The following CALCRL variants were observed in gnomAD, a reference collection of about 807,000 sequenced individuals.
CALCRL encodes the protein calcitonin receptor like receptor, also known as calcitonin gene-related peptide type 1 receptor.
In CALCRL, 27 loss-of-function variants were observed where a neutral mutation model predicts 60.4. The ratio of observed to expected loss-of-function variants is 0.45; its 90% CI spans 0.33 to 0.62. CALCRL has a LOEUF of 0.62. Among genes scored for constraint, CALCRL ranks in the 20% least tolerant of loss-of-function variants. The pLI, the probability that CALCRL is intolerant of heterozygous loss-of-function variation, is 0.03. For missense variants in CALCRL, 424 were observed against 540.7 expected, an observed-to-expected ratio of 0.78 and a Z score of 2.14; for synonymous variants, 190 against 182.6, an observed-to-expected ratio of 1.04 and a Z score of -0.33.
chr2:187,439,486 AAAAC>A (rs200092549), intron 1 of CALCRL, among the ~76,000 whole-genome samples: 1,711 of 152,210 alleles, frequency 0.011, 23 homozygotes, highest in African/African-American at 0.038. Flanking sequence ...TAAACAAAAC[AAAAC>A]AAACAAACAA....
At chr2:187,420,263 C>A (rs1178663342) in intron 1 of CALCRL, among the ~76,000 whole-genome samples, 1 of 151,994 alleles carries the variant, frequency 6.6e-6, no homozygotes, top group East Asian at 1.9e-4. Flanking sequence ...TTAAAATAAT[C>A]ATTTAATGAA....
chr2:187,395,230 A>C (rs1688606985), intron 1 of CALCRL, among the ~76,000 whole-genome samples: 1 of 152,066 alleles, frequency 6.6e-6, no homozygotes, highest in Non-Finnish European at 1.5e-5. Context: ...CCTGTATCAT[A>C]CTGACTCGGA....
At chr2:187,390,607 T>C (rs996016157) in intron 1 of CALCRL, among the ~76,000 whole-genome samples, 6 of 152,198 alleles carry the variant, frequency 3.9e-5, no homozygotes, top group Non-Finnish European at 5.9e-5. Flanking sequence ...CTCTTAGTGG[T>C]AACTAAATCA....
chr2:187,384,992 C>G (rs894965427), intron 4 of CALCRL, among the ~76,000 whole-genome samples: 1 of 152,080 alleles, frequency 6.6e-6, no homozygotes, highest in African/African-American at 2.4e-5. Context: ...CCCCATATCC[C>G]CATTGTATAC....
chr2:187,447,945 C>T (rs1691269368), intron 1 of CALCRL, 94 bp downstream of exon 1: 1 of 151,984 alleles, frequency 6.6e-6, no homozygotes, highest in African/African-American at 2.4e-5. Context: ...AACATTATTT[C>T]AGTGCTATCT....
At chr2:187,401,670 C>T (rs1055686386) in intron 1 of CALCRL, among the ~76,000 whole-genome samples, 1 of 151,524 alleles carries the variant, frequency 6.6e-6, no homozygotes, top group African/African-American at 2.4e-5. Context: ...TTTCACTTTA[C>T]AGATTTTAAT....
chr2:187,439,391 T>G (rs1690791476), intron 1 of CALCRL, among the ~76,000 whole-genome samples: 2 of 151,948 alleles, frequency 1.3e-5, no homozygotes, highest in Admixed American at 6.6e-5. Flanking sequence ...GAGACAGAGA[T>G]TGCAGTGAGC....
chr2:187,445,062 T>C (rs1484316574), intron 1 of CALCRL, among the ~76,000 whole-genome samples: 1 of 151,664 alleles, frequency 6.6e-6, no homozygotes, highest in Non-Finnish European at 1.5e-5. Flanking sequence ...TGAGAAATTA[T>C]GAATGTTTAT....
chr2:187,359,374 C>CA (rs761497803), intron 10 of CALCRL, 102 bp from the exon 11 acceptor site: 6 of 749,512 alleles, frequency 8.0e-6, no homozygotes, highest in Non-Finnish European at 1.3e-5. Flanking sequence ...ACTCTAGGAG[C>CA]AAAAAAACTA....
intron 1 of CALCRL, among the ~76,000 whole-genome samples, chr2:187,436,886 C>A (rs1690668116): frequency 6.6e-6 from 1 of 152,154 alleles, no homozygotes; most frequent in South Asian, 2.1e-4. Flanking sequence ...ATGTGCTCCC[C>A]TTTTCTTTTA....
At chr2:187,444,447 T>G in intron 1 of CALCRL, among the ~76,000 whole-genome samples, 1 of 151,596 alleles carries the variant, frequency 6.6e-6, no homozygotes, top group East Asian at 1.9e-4. Context: ...ACATTTAATT[T>G]AAACCATGAA....
intron 1 of CALCRL, among the ~76,000 whole-genome samples, chr2:187,390,685 T>C (rs1199094259): frequency 6.6e-6 from 1 of 152,200 alleles, no homozygotes; most frequent in Non-Finnish European, 1.5e-5. Context: ...ATTCCACTTT[T>C]ATAGCTTTCC....
At chr2:187,424,546 T>C (rs1690035373) in intron 1 of CALCRL, among the ~76,000 whole-genome samples, 1 of 152,088 alleles carries the variant, frequency 6.6e-6, no homozygotes, top group Admixed American at 6.6e-5. Flanking sequence ...TTGTTAATTA[T>C]ATTAGCAGGA....
intron 1 of CALCRL, among the ~76,000 whole-genome samples, chr2:187,426,813 T>A (rs1417137977): frequency 1.3e-5 from 2 of 152,132 alleles, no homozygotes; most frequent in African/African-American, 4.8e-5. Context: ...AAGAGTTGAA[T>A]CAGGCAGGCT....
At chr2:187,386,719 T>G (rs963938856) in intron 3 of CALCRL, among the ~76,000 whole-genome samples, 8 of 152,230 alleles carry the variant, frequency 5.3e-5, no homozygotes, top group Non-Finnish European at 1.2e-4. Context: ...TGATATGGTT[T>G]GGCTCAGTGT....
intron 1 of CALCRL, among the ~76,000 whole-genome samples, chr2:187,391,686 C>A (rs527425269): frequency 6.6e-6 from 1 of 152,094 alleles, no homozygotes; most frequent in South Asian, 2.1e-4. Flanking sequence ...AGATAATTTT[C>A]TTTACTATGC....
chr2:187,380,591 A>T lies in CALCRL; in HGVS notation c.296-12T>A. On this transcript the variant is annotated splice_polypyrimidine_tract_variant and intron_variant, in intron 6 of 14. Coordinates refer to ENST00000392370, the MANE Select transcript of CALCRL (RefSeq NM_005795.6). ...CTTTGTAACTTTTTCTTTAAAATTA[A>T]AAAAAAAGGGAAAACAGGAATTTAA... The T allele has an allele frequency of 6.3e-7, 1 of 1,599,898 alleles. No individual in the cohort carries two copies. Among genetic ancestry groups the T allele is most frequent in the Non-Finnish European group, 8.6e-7 (1 of 1,168,580 alleles).
chr2:187,353,719 T>C (rs1686639551), intron 12 of CALCRL, among the ~76,000 whole-genome samples: 1 of 151,960 alleles, frequency 6.6e-6, no homozygotes, highest in Non-Finnish European at 1.5e-5. Context: ...CTCATCCTAA[T>C]ATATTCCCTT....
At chr2:187,349,760 C>A (rs1254079743) in intron 14 of CALCRL, among the ~76,000 whole-genome samples, 1 of 151,496 alleles carries the variant, frequency 6.6e-6, no homozygotes, top group Non-Finnish European at 1.5e-5. Flanking sequence ...TTACACAGAT[C>A]GAGTGTAACA....
Sources: gnomAD v4.1 joint callset for allele counts (sites outside exome capture counted in the v4.1 genomes callset) on GRCh38, gnomAD v4.1.1 for gene constraint, MANE v1.5 for transcripts, NCBI Gene and HGNC (gene_info 2026-07-23, HGNC 2026-07-21) for gene names.